The following ALDH1A3 variants were observed in gnomAD, a reference collection of about 807,000 sequenced individuals.
ALDH1A3 encodes aldehyde dehydrogenase 1 family member A3.
ALDH1A3 carries 28 observed loss-of-function variants against 57.5 expected under a neutral mutation model. That is an observed-to-expected ratio of 0.49 (90% CI 0.36 to 0.67). The LOEUF is 0.67. Among genes scored for constraint, ALDH1A3 ranks in the 30% least tolerant of loss-of-function variants. ALDH1A3 has a pLI of 0.00. For synonymous variants in ALDH1A3, 281 were observed against 264.8 expected, an observed-to-expected ratio of 1.06 and a Z score of -0.59; for missense variants, 507 against 669.4, an observed-to-expected ratio of 0.76 and a Z score of 2.68.
Position 100,906,420 on chromosome 15 carries a change from T to C in ALDH1A3, c.1234-701T>C, listed in dbSNP as rs2041822653. The stretch of plus-strand genomic sequence containing the variant: ...TATTTCAGAGGCGTCTTCCTTGAGA[T>C]TGTTATGTGCCGTGATGGCATGAAG... On this transcript the variant is annotated intron_variant, in intron 10 of 12. Coordinates refer to ENST00000329841, the MANE Select transcript of ALDH1A3 (RefSeq NM_000693.4). This position sits in a 1 kb window ranked among gnomAD's most constrained non-coding sequence, Gnocchi z 4.8. 6.6e-6 allele frequency among the ~76,000 whole-genome samples: 1 copy of C among 152,292 alleles called. No individual in the cohort carries two copies.
chr15:100,894,639 T>C lies in ALDH1A3; in HGVS notation c.666+557T>C, dbSNP rs116609870. On this transcript the variant is annotated intron_variant, in intron 6 of 12. Coordinates refer to ENST00000329841, the MANE Select transcript of ALDH1A3 (RefSeq NM_000693.4). This position sits in a 1 kb window ranked among gnomAD's most constrained non-coding sequence, Gnocchi z 4.5. ...TTAGTCATTCCATCCCCAGGTTGTA[T>C]GGAGCAAAGATTTAGAGAAAGCAAC... 0.022 allele frequency: 3,336 copies of C among 153,450 alleles called. 114 individuals are homozygous for C. The highest frequency in any genetic ancestry group is 0.076 in the African/African-American group (3,161 of 41,566). 9.5% of individuals were successfully genotyped at this position (153,450 alleles called of 1,614,324 possible).
chr15:100,909,631 C>T (rs2041864113), intron 12 of ALDH1A3, among the ~76,000 whole-genome samples: 1 of 152,218 alleles, frequency 6.6e-6, no homozygotes, highest in African/African-American at 2.4e-5. Context: ...CAAACCCCTC[C>T]ACACTTCCTT....
rs2041678534 is a variant in ALDH1A3, at chr15:100,894,210, G to A, written c.666+128G>A. 3 of 1,260,802 alleles carry A rather than the reference G, an allele frequency of 2.4e-6. No homozygotes were observed. The highest frequency in any genetic ancestry group is 3.0e-5 in the African/African-American group (2 of 66,894). The allele number at this position is 1,260,802 out of a possible 1,614,324, so 78.1% of individuals were successfully genotyped here. ...TCGAGTGGGAAGGGAATGACTTCCA[G>A]TGTTTTGTTTGGCGACTGCACGTTC... On this transcript the variant is annotated intron_variant, in intron 6 of 12. Coordinates refer to ENST00000329841, the MANE Select transcript of ALDH1A3 (RefSeq NM_000693.4). This position sits in a 1 kb window ranked among gnomAD's most constrained non-coding sequence, Gnocchi z 4.5.
In ALDH1A3 at chr15:100,915,227, C is replaced by T; in HGVS notation, c.*454C>T. On this transcript the variant is annotated 3_prime_UTR_variant, in exon 13 of 13. Coordinates refer to ENST00000329841, the MANE Select transcript of ALDH1A3 (RefSeq NM_000693.4). ...GGACCTGCTTACAGAGCAAGCCACG[C>T]CTCTTTCCGAGGTGAAGGTGGGACC... 1 of 155,440 alleles carries T rather than the reference C, an allele frequency of 6.4e-6. No individual in the cohort carries two copies. The highest frequency in any genetic ancestry group is 2.4e-5 in the African/African-American group (1 of 41,700). 9.6% of individuals were successfully genotyped at this position (155,440 alleles called of 1,614,324 possible). A position where few individuals can be genotyped will look rare whatever the true frequency, so the allele number is the denominator to read the frequency against.
chr15:100,881,939 C>T (rs927560900), intron 1 of ALDH1A3, among the ~76,000 whole-genome samples: 1 of 152,204 alleles, frequency 6.6e-6, no homozygotes, highest in South Asian at 2.1e-4. Flanking sequence ...CTGGCACAGT[C>T]CTCAGGGAGA....
At chr15:100,905,821 G>T (rs2041817023) in intron 10 of ALDH1A3, 134 bp downstream of exon 10, 1 of 976,604 alleles carries the variant, frequency 1.0e-6, no homozygotes. Flanking sequence ...TGTCGTTGTT[G>T]TTTTTTCTGT....
chr15:100,880,313 T>G, intron 1 of ALDH1A3: 1 of 373,274 alleles, frequency 2.7e-6, no homozygotes, highest in Non-Finnish European at 4.8e-6. Flanking sequence ...GCTGCCCGCT[T>G]TGATCGCGAG....
At chr15:100,884,422 A>T (rs2041573946) in intron 1 of ALDH1A3, among the ~76,000 whole-genome samples, 1 of 152,192 alleles carries the variant, frequency 6.6e-6, no homozygotes, top group Non-Finnish European at 1.5e-5. Context: ...TGGATCATTG[A>T]GGTTCCCAGA....
intron 10 of ALDH1A3, 31 bp from the exon 11 acceptor site, chr15:100,907,090 C>T: frequency 6.2e-7 from 1 of 1,606,358 alleles, no homozygotes; most frequent in Admixed American, 1.7e-5. Flanking sequence ...TCAGTCATGC[C>T]TCTCATTGCC....
intron 3 of ALDH1A3, among the ~76,000 whole-genome samples, chr15:100,888,120 A>G (rs1388436616): frequency 6.6e-6 from 1 of 151,582 alleles, no homozygotes; most frequent in African/African-American, 2.4e-5. Flanking sequence ...TTTTTTTGAG[A>G]CAGAGTCTCC....
At chr15:100,897,554 A>G (rs1203205847) in intron 7 of ALDH1A3, among the ~76,000 whole-genome samples, 1 of 151,634 alleles carries the variant, frequency 6.6e-6, no homozygotes, top group South Asian at 2.1e-4. Context: ...GTGTGTTTCC[A>G]GAGAATCGGC....
chr15:100,892,007 C>T (rs1266062190), intron 3 of ALDH1A3: 1 of 161,692 alleles, frequency 6.2e-6, no homozygotes, highest in African/African-American at 2.4e-5. Context: ...TCCACAGCCA[C>T]ACTGGCCAGC....
At chr15:100,897,894 C>G (rs544489931) in intron 7 of ALDH1A3, among the ~76,000 whole-genome samples, 189 bp from the exon 8 acceptor site, 11 of 152,312 alleles carry the variant, frequency 7.2e-5, no homozygotes, top group South Asian at 2.1e-4. Flanking sequence ...ATGTCATGGT[C>G]TGGCATGGGA....
chr15:100,913,463 A>C (rs1478821361), intron 12 of ALDH1A3: 1 of 152,216 alleles, frequency 6.6e-6, no homozygotes. Context: ...CAAAGCCAGC[A>C]CTGCTGCTCT....
intron 12 of ALDH1A3, among the ~76,000 whole-genome samples, chr15:100,911,199 G>A (rs540814213): frequency 2.6e-5 from 4 of 152,232 alleles, no homozygotes; most frequent in Non-Finnish European, 4.4e-5. Context: ...ATGTCTTCAT[G>A]TTGCAAGAAG....
intron 3 of ALDH1A3, among the ~76,000 whole-genome samples, chr15:100,890,032 T>C (rs1342543387): frequency 6.6e-6 from 1 of 152,196 alleles, no homozygotes; most frequent in Non-Finnish European, 1.5e-5. Context: ...GAAACAGATG[T>C]GGGGGATCCA....
In ALDH1A3 at chr15:100,915,166, C is replaced by A. The variant is rs2041919330; in HGVS notation, c.*393C>A. 1.5e-5 allele frequency: 3 copies of A among 196,616 alleles called. No individual in the cohort carries two copies. The highest frequency in any genetic ancestry group is 2.2e-4 in the South Asian group (2 of 9,112). The allele number at this position is 196,616 out of a possible 1,614,324, so 12.2% of individuals were successfully genotyped here. A position where few individuals can be genotyped will look rare whatever the true frequency, so the allele number is the denominator to read the frequency against. On this transcript the variant is annotated 3_prime_UTR_variant, in exon 13 of 13. Transcript: ENST00000329841. ...GTGGGAAAACCCCCTGTGTGTTCTG[C>A]AAGCAGGGCTCTTGCACCAGCGGTC...
At chr15:100,892,064 A>G in intron 3 of ALDH1A3, 1 of 170,818 alleles carries the variant, frequency 5.9e-6, no homozygotes, top group Non-Finnish European at 1.3e-5. Context: ...CTTTTGTTCG[A>G]GGAGGGCAGC....
intron 12 of ALDH1A3, among the ~76,000 whole-genome samples, chr15:100,909,693 G>A (rs1354152615): frequency 1.3e-5 from 2 of 152,224 alleles, no homozygotes; most frequent in Admixed American, 6.5e-5. Context: ...ATTAATGGGT[G>A]GAACTTCTTG....
Sources: gnomAD v4.1 joint callset for allele counts (sites outside exome capture counted in the v4.1 genomes callset) on GRCh38, gnomAD v4.1.1 for gene constraint, Gnocchi (gnomAD v3.1) non-coding constraint, MANE v1.5 for transcripts, NCBI Gene and HGNC (gene_info 2026-07-23, HGNC 2026-07-21) for gene names.